Variants in FAM81A observed in about 807,000 individuals in gnomAD.
FAM81A encodes the protein protein FAM81A.
In FAM81A, 19 loss-of-function variants were observed where a neutral mutation model predicts 46.7. The ratio of observed to expected loss-of-function variants is 0.41; its 90% CI spans 0.28 to 0.60. The LOEUF (loss-of-function observed/expected upper bound fraction) is 0.60, where lower values mean the gene tolerates loss of function less well. FAM81A is among the 20% of genes least tolerant of loss of function. The pLI is 0.34. For missense variants in FAM81A, 377 were observed against 453.5 expected (o/e 0.83, Z 1.53); for synonymous variants, 183 against 152.9 (o/e 1.20, Z -1.45).
rs556491496 is a variant in FAM81A at position 59,456,668 on chromosome 15, C to G, written c.-77-1882C>G. On this transcript the variant is annotated intron_variant, in intron 1 of 8. Transcript: ENST00000288228. ...ATGGCTCACTGTAGCCTCAGCCTCC[C>G]TGGGCTCAGGTGATCCTCCTGAGTA... Among the ~76,000 whole-genome samples, 167 of 152,292 alleles carry G rather than the reference C, an allele frequency of 1.1e-3. 1 individual carries two copies. The highest frequency in any genetic ancestry group is 3.8e-4 in the Non-Finnish European group (26 of 68,014).
chr15:59,399,446 C>T (rs1279168249), intron 1 of FAM81A, among the ~76,000 whole-genome samples: 2 of 151,868 alleles, frequency 1.3e-5, no homozygotes, highest in Admixed American at 6.6e-5. Context: ...GATGTGTAGA[C>T]GATTAGCAGT....
chr15:59,520,968 G>A (rs1477729951), intron 8 of FAM81A, among the ~76,000 whole-genome samples: 6 of 152,196 alleles, frequency 3.9e-5, no homozygotes, highest in Non-Finnish European at 7.3e-5. Flanking sequence ...CAGAAGTTAC[G>A]TGATGTTGTT....
chr15:59,447,756 T>TTTGGCAGGGGGAAAG (rs2081368203), intron 1 of FAM81A, among the ~76,000 whole-genome samples: 1 of 151,822 alleles, frequency 6.6e-6, no homozygotes, highest in Non-Finnish European at 1.5e-5. Context: ...ATTCCAGCAA[T>TTTGGCAGGGGGAAAG]TTGGCAGGGG....
At chr15:59,501,648 C>T (rs775413376) in intron 4 of FAM81A, among the ~76,000 whole-genome samples, 44 of 152,276 alleles carry the variant, frequency 2.9e-4, no homozygotes, top group Non-Finnish European at 4.7e-4. Flanking sequence ...TTGGGACTCT[C>T]TAGATGGACT....
At chr15:59,489,314 T>TATACATACATACATACATAC (rs1308522125) in intron 3 of FAM81A, among the ~76,000 whole-genome samples, 9 of 139,554 alleles carry the variant, frequency 6.4e-5, no homozygotes, top group African/African-American at 2.5e-4. Context: ...TACATACATA[T>TATACATACATACATACATAC]ATACATACAT....
chr15:59,400,310 C>G (rs2081064962), intron 1 of FAM81A, among the ~76,000 whole-genome samples: 1 of 152,098 alleles, frequency 6.6e-6, no homozygotes, highest in South Asian at 2.1e-4. Context: ...CAGCCACTCA[C>G]GGGTCTGATA....
At chr15:59,496,070 A>T (rs531342706) in intron 4 of FAM81A, among the ~76,000 whole-genome samples, 50 of 152,270 alleles carry the variant, frequency 3.3e-4, no homozygotes, top group African/African-American at 1.2e-3. Context: ...TTGGGGTGTC[A>T]TATTTAAGAA....
chr15:59,489,065 A>G lies in FAM81A; in HGVS notation c.295-3206A>G, dbSNP rs1033048063. 2.0e-5 allele frequency among the ~76,000 whole-genome samples: 3 copies of G among 152,286 alleles called. No homozygotes were observed. In the East Asian group the frequency reaches 5.8e-4, roughly 29 times the overall value. ...CGGATCACGAGGTCAGGAGATCGAG[A>G]CCATACTGGCTAACACGGAGAAACC... On this transcript the variant is annotated intron_variant, in intron 3 of 8. Transcript: ENST00000288228.
intron 4 of FAM81A, among the ~76,000 whole-genome samples, chr15:59,499,884 A>G (rs2082073546): frequency 6.9e-6 from 1 of 144,036 alleles, no homozygotes; most frequent in Non-Finnish European, 1.5e-5. Context: ...TGAGACAGAT[A>G]CCCTGTCGCC....
At chr15:59,492,200 A>C in intron 3 of FAM81A, 71 bp from the exon 4 acceptor site, 1 of 1,172,834 alleles carries the variant, frequency 8.5e-7, no homozygotes, top group Non-Finnish European at 1.2e-6. Flanking sequence ...TTTTTGCCAA[A>C]AGTATAAAAT....
Position 59,521,386 on chromosome 15 carries a change from T to C in FAM81A, c.*8T>C. 3 of 1,600,382 alleles carry C rather than the reference T, an allele frequency of 1.9e-6. No homozygotes were observed. The highest frequency in any genetic ancestry group is 2.6e-6 in the Non-Finnish European group (3 of 1,173,084). ...CCAGAGACCCCCATGTGAAGGGAGC[T>C]GGGACAAGGTCCTAAAAGACAGTTT... On this transcript the variant is annotated 3_prime_UTR_variant, in exon 9 of 9. Coordinates refer to ENST00000288228, the MANE Select transcript of FAM81A (RefSeq NM_152450.3).
chr15:59,427,711 T>C (rs1338237349), intron 2 of FAM81A, among the ~76,000 whole-genome samples: 1 of 152,230 alleles, frequency 6.6e-6, no homozygotes, highest in African/African-American at 2.4e-5. Flanking sequence ...TCCAGTTCCA[T>C]CCATGTTGTT....
chr15:59,505,088 C>G (rs1392792923), intron 4 of FAM81A, among the ~76,000 whole-genome samples: 1 of 152,100 alleles, frequency 6.6e-6, no homozygotes, highest in Non-Finnish European at 1.5e-5. Context: ...ATGTTAACAT[C>G]CCTCTATTTG....
intron 3 of FAM81A, among the ~76,000 whole-genome samples, chr15:59,486,174 T>TGAAG (rs1357406557): frequency 7.0e-6 from 1 of 143,202 alleles, no homozygotes. Flanking sequence ...AGCAACACTC[T>TGAAG]GAAGAAAGAA....
intron 1 of FAM81A, among the ~76,000 whole-genome samples, chr15:59,441,084 G>A (rs1162942814): frequency 1.3e-5 from 2 of 152,136 alleles, no homozygotes; most frequent in African/African-American, 4.8e-5. Context: ...CTCAAAGGAA[G>A]AAAATGTCTA....
intron 6 of FAM81A, among the ~76,000 whole-genome samples, chr15:59,512,146 C>T (rs570371058): frequency 1.3e-5 from 2 of 152,122 alleles, no homozygotes; most frequent in African/African-American, 4.8e-5. Flanking sequence ...GAGTAGAAAA[C>T]TCACACTTTA....
intron 3 of FAM81A, among the ~76,000 whole-genome samples, chr15:59,476,225 A>T (rs932167736): frequency 9.2e-5 from 13 of 141,034 alleles, no homozygotes; most frequent in African/African-American, 2.9e-4. Flanking sequence ...TTAACCTACA[A>T]TTTTTTTTTT....
At chr15:59,470,717 A>T (rs2081675833) in intron 3 of FAM81A, among the ~76,000 whole-genome samples, 1 of 152,180 alleles carries the variant, frequency 6.6e-6, no homozygotes, top group African/African-American at 2.4e-5. Flanking sequence ...CAACTCATCA[A>T]GGTCATTCTC....
At chr15:59,498,050 G>T (rs1372343593) in intron 4 of FAM81A, among the ~76,000 whole-genome samples, 1 of 152,054 alleles carries the variant, frequency 6.6e-6, no homozygotes, top group Non-Finnish European at 1.5e-5. Context: ...TAGAGACAGG[G>T]TCTCTCCCAG....
Sources: allele counts gnomAD v4.1 joint callset (sites outside exome capture counted in the v4.1 genomes callset), GRCh38; gene constraint gnomAD v4.1.1; transcripts MANE v1.5; gene names NCBI Gene and HGNC (gene_info 2026-07-23, HGNC 2026-07-21).